The following ZDHHC2 variants were observed in gnomAD, a reference collection of about 807,000 sequenced individuals.
The protein encoded by ZDHHC2 is palmitoyltransferase ZDHHC2.
A neutral mutation model predicts 55.6 loss-of-function variants in ZDHHC2; 51 were observed. That is an observed-to-expected ratio of 0.92 (90% confidence interval 0.73 to 1.16). ZDHHC2 has a LOEUF of 1.16. ZDHHC2 is among the 50% of genes most tolerant of loss of function. ZDHHC2 has a pLI of 0.00. For missense variants in ZDHHC2, 491 were observed against 442.4 expected, an observed-to-expected ratio of 1.11 and a Z score of -0.99; for synonymous variants, 199 against 152.9, an observed-to-expected ratio of 1.30 and a Z score of -2.22.
chr8:17,160,392 A>G (rs1804278578), intron 1 of ZDHHC2, among the ~76,000 whole-genome samples: 1 of 152,204 alleles, frequency 6.6e-6, no homozygotes. Context: ...TTACGGTTTT[A>G]GTTACGTCAT....
intron 11 of ZDHHC2, 71 bp downstream of exon 11, chr8:17,215,420 T>C (rs905750451): frequency 8.8e-6 from 10 of 1,138,062 alleles, no homozygotes; most frequent in Non-Finnish European, 1.3e-5. Context: ...TTAAAAAAAA[T>C]CCATTATACT....
intron 1 of ZDHHC2, among the ~76,000 whole-genome samples, chr8:17,166,373 A>G (rs1281912017): frequency 6.6e-6 from 1 of 152,190 alleles, no homozygotes; most frequent in Non-Finnish European, 1.5e-5. Flanking sequence ...TACAACCGAA[A>G]GGATGATCAG....
chr8:17,185,707 A>G lies in ZDHHC2; in HGVS notation c.158-624A>G, dbSNP rs2150907533. ...AGAAAATTTTGGATAGTATTTCAAG[A>G]CTTTATAACACCACCCAGAGTGTGT... On this transcript the variant is annotated intron_variant, in intron 2 of 12. Transcript: ENST00000262096. Among the ~76,000 whole-genome samples the G allele has an allele frequency of 2.0e-5, 3 of 152,248 alleles. No homozygotes were observed. In the East Asian group the frequency reaches 5.8e-4, roughly 29 times the overall value.
intron 4 of ZDHHC2, 144 bp from the exon 5 acceptor site, chr8:17,197,438 A>G (rs1806375338): frequency 4.2e-6 from 3 of 710,398 alleles, no homozygotes; most frequent in Non-Finnish European, 6.7e-6. Context: ...TTGTATTTAA[A>G]CAGCATCAAA....
intron 6 of ZDHHC2, among the ~76,000 whole-genome samples, chr8:17,199,546 T>TCTTCGTCTTCGTCTTCGTCTTC (rs1806566009): frequency 1.7e-4 from 7 of 40,642 alleles, no homozygotes; most frequent in African/African-American, 5.2e-4. Flanking sequence ...CTTCGTCTTC[T>TCTTCGTCTTCGTCTTCGTCTTC]GTCTTCGTCT....
intron 6 of ZDHHC2, among the ~76,000 whole-genome samples, chr8:17,200,911 T>C (rs1806727099): frequency 6.6e-6 from 1 of 152,184 alleles, no homozygotes; most frequent in Non-Finnish European, 1.5e-5. Context: ...TCACTTCCCT[T>C]GCGGCATCCA....
At chr8:17,203,063 CT>C (rs10673416) in intron 6 of ZDHHC2, among the ~76,000 whole-genome samples, 3 of 126,804 alleles carry the variant, frequency 2.4e-5, no homozygotes, top group African/African-American at 6.1e-5. Context: ...TGTCCAAAGT[CT>C]TTTTTTTTTT....
At chr8:17,181,955 CTG>C (rs1805452758) in intron 1 of ZDHHC2, among the ~76,000 whole-genome samples, 1 of 152,076 alleles carries the variant, frequency 6.6e-6, no homozygotes, top group Non-Finnish European at 1.5e-5. Context: ...TGTTTTTACT[CTG>C]TGAGAAAGGA....
At position 17,207,968 on chromosome 8, in the gene ZDHHC2, A is replaced by G. The variant is rs1807190031; in HGVS notation, c.606A>G (p.Leu202=). 1 of 1,566,680 alleles carries G rather than the reference A, an allele frequency of 6.4e-7. No individual in the cohort carries two copies. The highest frequency in any genetic ancestry group is 8.7e-7 in the Non-Finnish European group (1 of 1,155,268). ...TCTTCCTTTCTTTATAGAATGGCCTACCTGATACTCAAGCCAAGTTCCATA... is the reference window on the plus strand; with the variant it reads ...TCTTCCTTTCTTTATAGAATGGCCTGCCTGATACTCAAGCCAAGTTCCATA... ...QYFIKFWTNG[L]PDTQAKFHIM... The change falls in exon 8 of 13, where the codon CTA becomes CTG. Residue 202 remains leucine, a synonymous_variant. Coordinates refer to ENST00000262096, the MANE Select transcript of ZDHHC2 (RefSeq NM_016353.5).
At chr8:17,157,789 C>G (rs2150870866) in intron 1 of ZDHHC2, among the ~76,000 whole-genome samples, 1 of 152,262 alleles carries the variant, frequency 6.6e-6, no homozygotes, top group South Asian at 2.1e-4. Flanking sequence ...GGTGCTCCAC[C>G]TAACAAAGTG....
chr8:17,216,781 A>C (rs1353318575), intron 11 of ZDHHC2, among the ~76,000 whole-genome samples: 6 of 152,150 alleles, frequency 3.9e-5, no homozygotes, highest in Admixed American at 3.9e-4. Flanking sequence ...ATGTATAGGA[A>C]GGAAAAGAAG....
chr8:17,200,577 T>TA lies in ZDHHC2; in HGVS notation c.476+2165dup, dbSNP rs1487313757. ...GGTGGAAAAAAATCAGGTCAGTACA[T>TA]ACCTATAAAGCTTCCCATGCCCTTG... is the stretch of plus-strand genomic sequence containing the variant. On this transcript the variant is annotated intron_variant, in intron 6 of 12. Transcript: ENST00000262096. 2.6e-5 allele frequency among the ~76,000 whole-genome samples: 4 copies of TA among 152,322 alleles called. No individual in the cohort carries two copies. In the East Asian group the frequency reaches 7.7e-4, roughly 29 times the overall value.
chr8:17,165,677 T>C (rs1804565992), intron 1 of ZDHHC2, among the ~76,000 whole-genome samples: 1 of 152,046 alleles, frequency 6.6e-6, no homozygotes, highest in Non-Finnish European at 1.5e-5. Flanking sequence ...GAAAATGAAA[T>C]AAAAAACATA....
In ZDHHC2 at chr8:17,156,760, C is replaced by T; in HGVS notation, c.37C>T (p.Arg13Trp). The change falls in exon 1 of 13, where the codon CGG becomes TGG. Residue 13 changes from arginine to tryptophan, a missense_variant. Coordinates refer to ENST00000262096, the MANE Select transcript of ZDHHC2 (RefSeq NM_016353.5). ...PSGPGSSARRRCRRVLYWIPV... is the reference protein window; with the variant it reads ...PSGPGSSARRWCRRVLYWIPV... ...GGGCCCGGGCAGCAGCGCCAGGCGG[C>T]GGTGCCGGCGGGTGCTGTACTGGAT... is the stretch of plus-strand genomic sequence containing the variant. The T allele has an allele frequency of 1.3e-6, 2 of 1,501,616 alleles. No individual in the cohort carries two copies. Among genetic ancestry groups the T allele is most frequent in the Admixed American group, 2.2e-5 (1 of 45,996 alleles). 93.0% of individuals were successfully genotyped at this position (1,501,616 alleles called of 1,614,324 possible).
At chr8:17,212,158 T>G (rs879628285) in intron 10 of ZDHHC2, among the ~76,000 whole-genome samples, 1 of 152,142 alleles carries the variant, frequency 6.6e-6, no homozygotes, top group Non-Finnish European at 1.5e-5. Context: ...TTTAGACAGC[T>G]AAAGTCTCTT....
At chr8:17,189,127 G>GTTTTTTTTTTT (rs33942303) in intron 3 of ZDHHC2, among the ~76,000 whole-genome samples, 2 of 83,768 alleles carry the variant, frequency 2.4e-5, no homozygotes, top group Non-Finnish European at 4.5e-5. Context: ...GTTTTGTTAT[G>GTTTTTTTTTTT]TTTTTTTTTT....
intron 1 of ZDHHC2, among the ~76,000 whole-genome samples, chr8:17,178,732 G>T (rs1016707046): frequency 2.6e-5 from 4 of 152,202 alleles, no homozygotes; most frequent in Non-Finnish European, 5.9e-5. Context: ...ATTCAAGCCA[G>T]GTTGGATTAA....
chr8:17,175,010 A>C (rs1805059817), intron 1 of ZDHHC2, among the ~76,000 whole-genome samples: 1 of 152,116 alleles, frequency 6.6e-6, no homozygotes, highest in South Asian at 2.1e-4. Context: ...TACAGATGTG[A>C]GCCACCGCAC....
intron 10 of ZDHHC2, among the ~76,000 whole-genome samples, chr8:17,213,817 C>T (rs888002255): frequency 6.6e-6 from 1 of 152,022 alleles, no homozygotes; most frequent in Admixed American, 6.6e-5. Flanking sequence ...GTTATATGGT[C>T]CCTTTCTTGA....
Sources: gnomAD v4.1 joint callset for allele counts (sites outside exome capture counted in the v4.1 genomes callset) on GRCh38, gnomAD v4.1.1 for gene constraint, MANE v1.5 for transcripts, NCBI Gene and HGNC (gene_info 2026-07-23, HGNC 2026-07-21) for gene names.